The following CTNNA3 variants were observed in gnomAD, a reference collection of about 807,000 sequenced individuals.
CTNNA3 encodes catenin alpha-3.
In CTNNA3, 76 loss-of-function variants were observed where a neutral mutation model predicts 95.7. That is an observed-to-expected ratio of 0.79 (90% CI 0.66 to 0.96). The LOEUF is 0.96. Among genes scored for constraint, CTNNA3 ranks in the 40% least tolerant of loss-of-function variants. The pLI is 0.00. For synonymous variants in CTNNA3, 431 were observed against 374.4 expected, an observed-to-expected ratio of 1.15 and a Z score of -1.74; for missense variants, 1,191 against 1,089.8, an observed-to-expected ratio of 1.09 and a Z score of -1.31.
intron 14 of CTNNA3, among the ~76,000 whole-genome samples, chr10:66,070,892 C>T (rs1256078798): frequency 6.6e-6 from 1 of 152,158 alleles, no homozygotes; most frequent in Non-Finnish European, 1.5e-5. Flanking sequence ...TTACAACAGA[C>T]ATTTACCTCT....
At chr10:67,235,118 C>T (rs1370117663) in intron 5 of CTNNA3, among the ~76,000 whole-genome samples, 2 of 151,910 alleles carry the variant, frequency 1.3e-5, no homozygotes, top group Admixed American at 6.6e-5. Flanking sequence ...AATGCCATCC[C>T]CATCAAGCTA....
intron 7 of CTNNA3, among the ~76,000 whole-genome samples, chr10:66,955,258 G>A (rs1455533435): frequency 6.6e-6 from 1 of 152,064 alleles, no homozygotes; most frequent in Non-Finnish European, 1.5e-5. Context: ...ATCATCAATA[G>A]AGAATAGGAA....
chr10:67,560,249 T>C (rs1309013839), intron 3 of CTNNA3, among the ~76,000 whole-genome samples: 1 of 151,694 alleles, frequency 6.6e-6, no homozygotes, highest in Admixed American at 6.6e-5. Flanking sequence ...AAGGTCGGGT[T>C]ACCCACAAAG....
chr10:67,286,150 A>G (rs144446533), intron 5 of CTNNA3, among the ~76,000 whole-genome samples: 3 of 152,316 alleles, frequency 2.0e-5, no homozygotes, highest in Non-Finnish European at 4.4e-5. Flanking sequence ...CAGGTAGTAA[A>G]TGAAGACATC....
At chr10:67,411,568 G>A (rs1845368159) in intron 5 of CTNNA3, among the ~76,000 whole-genome samples, 1 of 152,054 alleles carries the variant, frequency 6.6e-6, no homozygotes. Flanking sequence ...TTGTGTATCT[G>A]AGTTAGGGGA....
intron 7 of CTNNA3, among the ~76,000 whole-genome samples, chr10:66,913,449 T>C (rs1846326662): frequency 6.6e-6 from 1 of 152,098 alleles, no homozygotes; most frequent in Admixed American, 6.5e-5. Flanking sequence ...TCATCTGCCA[T>C]GCCTGAAATC....
chr10:66,900,926 A>G (rs1209496747), intron 7 of CTNNA3, among the ~76,000 whole-genome samples: 1 of 152,252 alleles, frequency 6.6e-6, no homozygotes, highest in Non-Finnish European at 1.5e-5. Flanking sequence ...AGTGACACGG[A>G]GAATGGAACC....
At chr10:66,991,618 C>A (rs1446584502) in intron 7 of CTNNA3, among the ~76,000 whole-genome samples, 2 of 152,120 alleles carry the variant, frequency 1.3e-5, no homozygotes, top group East Asian at 3.9e-4. Flanking sequence ...ATGGCGTGAT[C>A]TTGGCTCACT....
intron 11 of CTNNA3, among the ~76,000 whole-genome samples, chr10:66,492,898 G>A (rs919766483): frequency 1.3e-5 from 2 of 152,220 alleles, no homozygotes; most frequent in Non-Finnish European, 2.9e-5. Context: ...GAATGGTTCT[G>A]CATTTTTTTC....
intron 15 of CTNNA3, among the ~76,000 whole-genome samples, chr10:66,043,260 AAAAATGTGACTTGG>A (rs1303071239): frequency 6.6e-6 from 1 of 152,126 alleles, no homozygotes; most frequent in African/African-American, 2.4e-5. Context: ...AAGAAAGTAC[AAAAATGTGACTTGG>A]AAGTATATTG....
At chr10:66,476,703 C>G (rs910088427) in intron 11 of CTNNA3, among the ~76,000 whole-genome samples, 1 of 152,012 alleles carries the variant, frequency 6.6e-6, no homozygotes, top group African/African-American at 2.4e-5. Context: ...TATAAAACCT[C>G]TCTACCAAGT....
At chr10:67,553,057 G>C (rs895841818) in intron 3 of CTNNA3, among the ~76,000 whole-genome samples, 3 of 151,708 alleles carry the variant, frequency 2.0e-5, no homozygotes, top group African/African-American at 7.3e-5. Context: ...TCACTGATTT[G>C]GGGGCACTGG....
At chr10:67,545,349 C>T (rs7074466) in intron 3 of CTNNA3, among the ~76,000 whole-genome samples, 60,357 of 151,828 alleles carry the variant, frequency 0.4, 15,325 homozygotes, top group African/African-American at 0.69. Flanking sequence ...ATCTCCTTTC[C>T]GGTATGTAAA....
chr10:66,683,110 A>C (rs1256600632), intron 9 of CTNNA3, among the ~76,000 whole-genome samples: 1 of 152,170 alleles, frequency 6.6e-6, no homozygotes, highest in Non-Finnish European at 1.5e-5. Context: ...CTATCCCCAA[A>C]ATGATCTTAT....
chr10:67,298,326 C>G (rs1840128008), intron 5 of CTNNA3, among the ~76,000 whole-genome samples: 1 of 152,186 alleles, frequency 6.6e-6, no homozygotes, highest in South Asian at 2.1e-4. Flanking sequence ...TCCGAAGTGT[C>G]TCACCAAGCA....
intron 10 of CTNNA3, among the ~76,000 whole-genome samples, chr10:66,545,611 A>G (rs913747586): frequency 1.3e-5 from 2 of 152,058 alleles, no homozygotes; most frequent in Non-Finnish European, 2.9e-5. Flanking sequence ...ACAATGCTAA[A>G]CATGTTTCTA....
intron 10 of CTNNA3, among the ~76,000 whole-genome samples, chr10:66,575,154 C>T (rs988663327): frequency 2.0e-5 from 3 of 152,054 alleles, no homozygotes; most frequent in Non-Finnish European, 2.9e-5. Context: ...CTCTTTTCTC[C>T]GGAAGAGAGG....
intron 9 of CTNNA3, among the ~76,000 whole-genome samples, chr10:66,729,887 G>A (rs1848900881): frequency 6.6e-6 from 1 of 151,916 alleles, no homozygotes; most frequent in Admixed American, 6.6e-5. Flanking sequence ...GGCGGATCAC[G>A]AGGTCAGGAG....
chr10:67,216,060 T>C (rs1473339831), intron 6 of CTNNA3, among the ~76,000 whole-genome samples: 1 of 152,216 alleles, frequency 6.6e-6, no homozygotes, highest in East Asian at 1.9e-4. Flanking sequence ...AACCATTTTT[T>C]AAAATCATAT....
Sources: gnomAD v4.1 joint callset for allele counts (sites outside exome capture counted in the v4.1 genomes callset) on GRCh38, gnomAD v4.1.1 for gene constraint, MANE v1.5 for transcripts, NCBI Gene and HGNC (gene_info 2026-07-23, HGNC 2026-07-21) for gene names.